The following TBC1D9 variants were observed in gnomAD, a reference collection of about 807,000 sequenced individuals.
TBC1D9 encodes the protein TBC1 domain family member 9A.
TBC1D9 carries 63 observed loss-of-function variants against 132.0 expected under a neutral mutation model. That is an observed-to-expected ratio of 0.48 (90% CI 0.39 to 0.59). The LOEUF is 0.59. TBC1D9 is among the 20% of genes least tolerant of loss of function. The pLI, the probability that TBC1D9 is intolerant of heterozygous loss-of-function variation, is 0.00. For missense variants in TBC1D9, 1,261 were observed against 1,592.7 expected (o/e 0.79, Z 3.54); for synonymous variants, 610 against 609.9 (o/e 1.00, Z 0.00).
intron 18 of TBC1D9, among the ~76,000 whole-genome samples, chr4:140,624,908 C>T (rs1268691225): frequency 1.3e-5 from 2 of 152,074 alleles, no homozygotes; most frequent in African/African-American, 4.8e-5. Flanking sequence ...AAAAATTAGC[C>T]GGATGTGGTG....
At chr4:140,641,987 TGAAGGAGGAATGCACCTTAGCCTCTC>T in intron 13 of TBC1D9, 1 of 586,774 alleles carries the variant, frequency 1.7e-6, no homozygotes, top group East Asian at 2.9e-5. Context: ...GAAGAGTCGC[TGAAGGAGGAATGCACCTTAGCCTCTC>T]GAAGCAGCAA....
intron 1 of TBC1D9, among the ~76,000 whole-genome samples, chr4:140,711,274 G>C (rs551064817): frequency 6.6e-6 from 1 of 152,088 alleles, no homozygotes; most frequent in Non-Finnish European, 1.5e-5. Flanking sequence ...CTGTAGAGGC[G>C]GGTCTGAAAA....
chr4:140,686,344 C>G lies in TBC1D9; in HGVS notation c.360G>C (p.Gln120His). ...AAATGTTTTTCTTTTATCCCACTACCTGTATTTTTCCTCTCACAAATGTGG... is the reference window on the plus strand; with the variant it reads ...AAATGTTTTTCTTTTATCCCACTACGTGTATTTTTCCTCTCACAAATGTGG... The part of the protein sequence containing the change: ...DITTFVRGKI[Q>H]GIIAEYNKIN... The change falls in exon 3 of 21, where the codon CAG becomes CAC. Residue 120 changes from glutamine (Q) to histidine (H), a missense_variant and splice_region_variant. Gln to His is a conservative substitution (Grantham distance 24). Around this residue, in one of 3 missense-constraint regions of TBC1D9, gnomAD observed 550 missense variants for 699.0 expected, o/e 0.79. Transcript: ENST00000442267. The G allele has an allele frequency of 6.8e-7, 1 of 1,469,824 alleles. No individual in the cohort carries two copies. Among genetic ancestry groups the G allele is most frequent in the Non-Finnish European group, 9.4e-7 (1 of 1,060,020 alleles). The allele number at this position is 1,469,824 out of a possible 1,614,324, so 91.0% of individuals were successfully genotyped here. A position where few individuals can be genotyped will look rare whatever the true frequency, so the allele number is the denominator to read the frequency against.
At chr4:140,720,439 A>T (rs1738406573) in intron 1 of TBC1D9, among the ~76,000 whole-genome samples, 1 of 152,202 alleles carries the variant, frequency 6.6e-6, no homozygotes, top group Admixed American at 6.5e-5. Flanking sequence ...CTTTTAGGCT[A>T]GGAGGTTTCC....
At chr4:140,695,252 T>A (rs1578844360) in intron 2 of TBC1D9, among the ~76,000 whole-genome samples, 1 of 152,240 alleles carries the variant, frequency 6.6e-6, no homozygotes, top group African/African-American at 2.4e-5. Context: ...TAACCAGGAA[T>A]GTGAACTTGG....
chr4:140,728,944 A>G (rs930616132), intron 1 of TBC1D9, among the ~76,000 whole-genome samples: 6 of 152,184 alleles, frequency 3.9e-5, no homozygotes, highest in Admixed American at 3.9e-4. Flanking sequence ...GATTACAGGC[A>G]TGAGCCACTG....
intron 1 of TBC1D9, among the ~76,000 whole-genome samples, chr4:140,731,694 C>CACAT (rs1553973957): frequency 2.1e-3 from 316 of 150,322 alleles, no homozygotes; most frequent in South Asian, 5.3e-3. Flanking sequence ...CACACACACA[C>CACAT]CCCAAACATT....
At chr4:140,657,888 T>C in intron 11 of TBC1D9, 76 bp from the exon 12 acceptor site, 2 of 1,486,024 alleles carry the variant, frequency 1.3e-6, no homozygotes, top group Admixed American at 2.0e-5. Flanking sequence ...TTCAAACAAC[T>C]TGACTGCTAG....
chr4:140,726,262 C>T (rs558649840), intron 1 of TBC1D9, among the ~76,000 whole-genome samples: 1 of 151,988 alleles, frequency 6.6e-6, no homozygotes, highest in South Asian at 2.1e-4. Flanking sequence ...GAACTCCACC[C>T]TGGGCGACGG....
chr4:140,689,165 A>T (rs943056878), intron 2 of TBC1D9, among the ~76,000 whole-genome samples: 12 of 152,122 alleles, frequency 7.9e-5, no homozygotes, highest in Non-Finnish European at 1.8e-4. Context: ...TACATTGATC[A>T]CAGATATGCC....
intron 1 of TBC1D9, among the ~76,000 whole-genome samples, chr4:140,711,109 G>A (rs1008303016): frequency 5.3e-5 from 8 of 152,166 alleles, no homozygotes; most frequent in African/African-American, 1.9e-4. Context: ...ATTACGCCAA[G>A]CCTTGTGTGA....
At chr4:140,717,247 A>G (rs928000558) in intron 1 of TBC1D9, among the ~76,000 whole-genome samples, 1 of 152,164 alleles carries the variant, frequency 6.6e-6, no homozygotes, top group Non-Finnish European at 1.5e-5. Context: ...CTTTTGCCCA[A>G]CTTTCCTGTC....
At chr4:140,678,881 A>G in intron 5 of TBC1D9, 61 bp downstream of exon 5, 1 of 1,563,636 alleles carries the variant, frequency 6.4e-7, no homozygotes, top group Non-Finnish European at 8.7e-7. Context: ...TACACTGAAT[A>G]AATGAATGAG....
chr4:140,717,938 A>C (rs547086832), intron 1 of TBC1D9, among the ~76,000 whole-genome samples: 1 of 152,260 alleles, frequency 6.6e-6, no homozygotes, highest in South Asian at 2.1e-4. Context: ...GGCTCTTAGG[A>C]TACCTTTTGT....
At chr4:140,640,316 ATGT>A (rs1305679479) in intron 13 of TBC1D9, among the ~76,000 whole-genome samples, 24 of 151,896 alleles carry the variant, frequency 1.6e-4, no homozygotes, top group Non-Finnish European at 1.5e-5. Context: ...AGGGTATCAC[ATGT>A]TGTGTGAAAA....
At position 140,677,077 on chromosome 4, in the gene TBC1D9, A is replaced by T; in HGVS notation, c.876T>A (p.Ser292Arg). Residue 292 changes from serine (S) to arginine (R), a missense_variant, in exon 6 of 21, where the codon AGT (serine) becomes AGA (arginine). By Grantham distance (110) the Ser-to-Arg change is moderately radical. Transcript: ENST00000442267. ...LKRDLDARAKSERYRALFRLP... is the reference protein window; with the variant it reads ...LKRDLDARAKRERYRALFRLP... ...GCCGGAAAAGTGCACGGTATCTCTC[A>T]CTCTTTGCCCTGGCATCAAGATCAC... The T allele has an allele frequency of 6.2e-7, 1 of 1,613,788 alleles. No homozygotes were observed. The highest frequency in any genetic ancestry group is 8.5e-7 in the Non-Finnish European group (1 of 1,179,848).
At chr4:140,654,916 T>C (rs1737242567) in intron 13 of TBC1D9, among the ~76,000 whole-genome samples, 1 of 152,112 alleles carries the variant, frequency 6.6e-6, no homozygotes, top group Admixed American at 6.6e-5. Context: ...TATCTTAGAA[T>C]GCTATATAAT....
At chr4:140,748,175 G>C (rs1738866216) in intron 1 of TBC1D9, among the ~76,000 whole-genome samples, 1 of 152,124 alleles carries the variant, frequency 6.6e-6, no homozygotes, top group Non-Finnish European at 1.5e-5. Context: ...AAATAAGATT[G>C]AGAATTGTAA....
chr4:140,698,737 C>T (rs767123983), intron 2 of TBC1D9, among the ~76,000 whole-genome samples: 9 of 139,336 alleles, frequency 6.5e-5, no homozygotes, highest in Non-Finnish European at 1.1e-4. Flanking sequence ...GACTCCATCT[C>T]GGGGGTGGGG....
Sources: allele counts gnomAD v4.1 joint callset (sites outside exome capture counted in the v4.1 genomes callset), GRCh38; gene constraint gnomAD v4.1.1; regional missense constraint gnomAD v4.1.1; transcripts MANE v1.5; gene names NCBI Gene and HGNC (gene_info 2026-07-23, HGNC 2026-07-21).